The following RHCG variants were observed in gnomAD, a reference collection of about 807,000 sequenced individuals.
RHCG encodes the protein Rh family C glycoprotein.
Under a neutral mutation model 55.3 loss-of-function variants are expected in RHCG, and 39 were observed. The ratio of observed to expected loss-of-function variants is 0.70; its 90% CI spans 0.55 to 0.92. The LOEUF is 0.92. Ranked by LOEUF, RHCG falls within the 40% of genes least tolerant of loss-of-function variation. RHCG has a pLI of 0.00. For missense variants in RHCG, 635 were observed against 627.9 expected (o/e 1.01, Z -0.12); for synonymous variants, 250 against 246.8 (o/e 1.01, Z -0.12).
rs775546989 is a variant in RHCG, at chr15:89,477,642, C to T, written c.987G>A (p.Glu329=). The T allele has an allele frequency of 1.9e-6, 3 of 1,614,026 alleles. No homozygotes were observed. The South Asian group carries it at 3.3e-5, about 18-fold the overall frequency. The change falls in exon 7 of 11, where the codon GAG becomes GAA. Residue 329 remains glutamate (E), a synonymous_variant. Coordinates refer to ENST00000268122, the MANE Select transcript of RHCG (RefSeq NM_016321.3). This position sits in a 1 kb window ranked among gnomAD's most constrained non-coding sequence, Gnocchi z 4.5. ...LGFVYLTPFL[E]SRLHIQDTCG... ...ATGTGTCCTGGATGTGCAGCCGGGA[C>T]TCCAGGAATGGCTGGAGACGGGAGG... is the stretch of plus-strand genomic sequence containing the variant.
In RHCG at chr15:89,479,493, T is replaced by C. The variant is rs1373479289; in HGVS notation, c.671-5A>G. 2 of 1,609,536 alleles carry C rather than the reference T, an allele frequency of 1.2e-6. No homozygotes were observed. Among genetic ancestry groups the C allele is most frequent in the South Asian group, 2.2e-5 (2 of 90,116 alleles). ...ACATCCACAGGAAGAGGGTGCCTGG[T>C]CAGACCAGACAGGCCCAATGGGCCC... On this transcript the variant is annotated splice_polypyrimidine_tract_variant and splice_region_variant and intron_variant, in intron 4 of 10. Coordinates refer to ENST00000268122, the MANE Select transcript of RHCG (RefSeq NM_016321.3).
intron 1 of RHCG, among the ~76,000 whole-genome samples, chr15:89,488,772 A>C (rs2141900106): frequency 9.3e-6 from 1 of 107,870 alleles, no homozygotes; most frequent in East Asian, 3.1e-4. Flanking sequence ...GGCTGGGAGA[A>C]TGGGGGGGGG....
rs1393178914 is a variant in RHCG, at chr15:89,480,292, A to G, written c.639T>C (p.Ser213=). The part of the protein sequence containing the change: ...NLEQSKERQN[S]VYQSDLFAMI... ...TGGCAAAGAGGTCCGACTGGTACAC[A>G]GAATTCTGTCTCTCCTTGCTCTGCT... The change falls in exon 4 of 11, where the codon TCT becomes TCC. Residue 213 remains serine (S), a synonymous_variant. Transcript: ENST00000268122. 6.2e-7 allele frequency: 1 copy of G among 1,614,182 alleles called. No individual in the cohort carries two copies.
At chr15:89,481,278 C>T (rs187326048) in intron 3 of RHCG, among the ~76,000 whole-genome samples, 7 of 152,190 alleles carry the variant, frequency 4.6e-5, no homozygotes, top group African/African-American at 7.2e-5. Context: ...GGCGAAACCC[C>T]GTTTCTATTT....
intron 9 of RHCG, among the ~76,000 whole-genome samples, chr15:89,475,126 A>C (rs1458614596): frequency 0.014 from 408 of 28,234 alleles, no homozygotes; most frequent in African/African-American, 0.018. Flanking sequence ...GCCTTCATTC[A>C]TTCCTGCCTG....
At chr15:89,482,048 T>A (rs1351359175) in intron 3 of RHCG, among the ~76,000 whole-genome samples, 1 of 152,226 alleles carries the variant, frequency 6.6e-6, no homozygotes, top group African/African-American at 2.4e-5. Flanking sequence ...GTGATCTGCC[T>A]GCCTCGGCCT....
In RHCG at chr15:89,477,863, AGATGATGCCGCAGACGAAGCC is replaced by A. The variant is rs774755306; in HGVS notation, c.928_948del (p.Gly310_Ile316del). On this transcript the variant is annotated inframe_deletion, in exon 6 of 11. Transcript: ENST00000268122. The surrounding 1 kb of genome is among the most constrained non-coding windows in gnomAD (Gnocchi z 4.5). ...GTCAGGTATACAAAACCCAGGGTGG[AGATGATGCCGCAGACGAAGCC>A]GATGATGAGGGCACCGTAAGGCATG... is the stretch of plus-strand genomic sequence containing the variant. 6.2e-7 allele frequency: 1 copy of A among 1,614,012 alleles called. No homozygotes were observed. Among genetic ancestry groups the A allele is most frequent in the South Asian group, 1.1e-5 (1 of 91,072 alleles).
intron 1 of RHCG, among the ~76,000 whole-genome samples, 167 bp downstream of exon 1, chr15:89,496,194 G>C (rs1221679483): frequency 2.6e-5 from 4 of 152,188 alleles, no homozygotes; most frequent in African/African-American, 4.8e-5. Context: ...AAAGGAGTTT[G>C]TGCACATCTG....
intron 1 of RHCG, among the ~76,000 whole-genome samples, chr15:89,491,889 G>C (rs558517656): frequency 1.3e-5 from 2 of 152,216 alleles, no homozygotes; most frequent in Non-Finnish European, 2.9e-5. Flanking sequence ...AGTCAAATGG[G>C]AGATAGTAAC....
At chr15:89,490,747 G>T (rs1411967474) in intron 1 of RHCG, among the ~76,000 whole-genome samples, 1 of 151,828 alleles carries the variant, frequency 6.6e-6, no homozygotes, top group East Asian at 1.9e-4. Context: ...GGGAGGTGCT[G>T]GGTCTGGCCT....
In RHCG at chr15:89,472,753, C is replaced by A. The variant is rs759228780; in HGVS notation, c.1422G>T (p.Ser474=). ...TGGGAGCCTAGGGTACCAAGGGTACCGAGGAAGCCATGGGTAGTGGGGACA... is the reference window on the plus strand; with the variant it reads ...TGGGAGCCTAGGGTACCAAGGGTACAGAGGAAGCCATGGGTAGTGGGGACA... ...PMVSPLPMAS[S]VPLVP The change falls in exon 10 of 11, where the codon TCG becomes TCT. Residue 474 remains serine (S), a synonymous_variant. Transcript: ENST00000268122. 18 of 1,600,486 alleles carry A rather than the reference C, an allele frequency of 1.1e-5. No homozygotes were observed. In the East Asian group the frequency reaches 1.8e-4, roughly 16 times the overall value.
At chr15:89,483,824 A>G (rs1225015035) in intron 2 of RHCG, among the ~76,000 whole-genome samples, 1 of 152,190 alleles carries the variant, frequency 6.6e-6, no homozygotes, top group African/African-American at 2.4e-5. Flanking sequence ...GGGAGCAGGA[A>G]GGCCAGCAGG....
rs561988362 is a variant in RHCG at position 89,483,208 on chromosome 15, G to A, written c.381C>T (p.Asn127=). The change falls in exon 3 of 11, where the codon AAC becomes AAT. Residue 127 remains asparagine, a synonymous_variant. Transcript: ENST00000268122. The part of the protein sequence containing the change: ...YIVVGVENLI[N]ADFCVASVCV... Reference sequence around the variant, plus strand: ...AGACAGAGGCCACGCAGAAGTCAGCGTTGATGAGGCTGTGGGGAGACAGGC... The same window carrying A: ...AGACAGAGGCCACGCAGAAGTCAGCATTGATGAGGCTGTGGGGAGACAGGC... 2.9e-5 allele frequency: 45 copies of A among 1,574,874 alleles called. No individual in the cohort carries two copies. The highest frequency in any genetic ancestry group is 3.7e-5 in the Non-Finnish European group (42 of 1,149,202).
At chr15:89,475,912 G>A (rs980775394) in intron 9 of RHCG, among the ~76,000 whole-genome samples, 2 of 152,128 alleles carry the variant, frequency 1.3e-5, no homozygotes, top group African/African-American at 4.8e-5. Flanking sequence ...GAACCACCTG[G>A]GGCTTGTTAA....
chr15:89,494,535 G>A (rs1010979252), intron 1 of RHCG, among the ~76,000 whole-genome samples: 1 of 152,100 alleles, frequency 6.6e-6, no homozygotes, highest in Non-Finnish European at 1.5e-5. Flanking sequence ...AGTGTGGTGC[G>A]AGGAGGATAA....
At chr15:89,483,272 G>T in intron 2 of RHCG, 55 bp from the exon 3 acceptor site, 1 of 1,451,680 alleles carries the variant, frequency 6.9e-7, no homozygotes, top group East Asian at 2.4e-5. Context: ...AGTGGCACTG[G>T]AGGCCCTGGA....
At position 89,479,491 on chromosome 15, in the gene RHCG, G is replaced by A. The variant is rs778715461; in HGVS notation, c.671-3C>T. 1 of 1,609,684 alleles carries A rather than the reference G, an allele frequency of 6.2e-7. No homozygotes were observed. Among genetic ancestry groups the A allele is most frequent in the South Asian group, 1.1e-5 (1 of 90,138 alleles). ...GTACATCCACAGGAAGAGGGTGCCT[G>A]GTCAGACCAGACAGGCCCAATGGGC... On this transcript the variant is annotated splice_polypyrimidine_tract_variant and splice_region_variant and intron_variant, in intron 4 of 10. Coordinates refer to ENST00000268122, the MANE Select transcript of RHCG (RefSeq NM_016321.3).
At position 89,496,381 on chromosome 15, in the gene RHCG, T is replaced by G; in HGVS notation, c.164A>C (p.Glu55Ala). The change falls in exon 1 of 11, where the codon GAA becomes GCA. Residue 55 changes from glutamate to alanine, a missense_variant. Coordinates refer to ENST00000268122, the MANE Select transcript of RHCG (RefSeq NM_016321.3). ...CTTACTTGGGTAGCGATAGTAGAAT[T>G]CGTTCTCCATGTCGCTCAAGTTCTT... ...THKNLSDMEN[E>A]FYYRYPSFQD... 6.2e-7 allele frequency: 1 copy of G among 1,613,970 alleles called. No homozygotes were observed. Among genetic ancestry groups the G allele is most frequent in the Non-Finnish European group, 8.5e-7 (1 of 1,179,934 alleles).
In RHCG at chr15:89,471,831, T is replaced by C. The variant is rs1213579986; in HGVS notation, c.*49A>G. ...CTAGCTAGGTCAGCACCAGCTCCTC[T>C]GGGCCCCAGGACAGTCTGTGGAGCC... On this transcript the variant is annotated 3_prime_UTR_variant, in exon 11 of 11. Transcript: ENST00000268122. The C allele has an allele frequency of 6.6e-6, 1 of 152,650 alleles. No individual in the cohort carries two copies. The highest frequency in any genetic ancestry group is 1.5e-5 in the Non-Finnish European group (1 of 68,146). 9.5% of individuals were successfully genotyped at this position (152,650 alleles called of 1,614,324 possible).
Sources: allele counts gnomAD v4.1 joint callset (sites outside exome capture counted in the v4.1 genomes callset), GRCh38; gene constraint gnomAD v4.1.1; non-coding constraint Gnocchi (gnomAD v3.1); transcripts MANE v1.5; gene names NCBI Gene and HGNC (gene_info 2026-07-23, HGNC 2026-07-21).